Variants in ZNF681 observed in about 807,000 individuals in gnomAD.
ZNF681 encodes hypothetical protein FLJ31526.
In ZNF681, 37 loss-of-function variants were observed where a neutral mutation model predicts 56.0. The observed-to-expected ratio is 0.66, with a 90% CI of 0.51 to 0.87. The LOEUF (loss-of-function observed/expected upper bound fraction) is 0.87, where lower values mean the gene tolerates loss of function less well. Among genes scored for constraint, ZNF681 ranks in the 40% least tolerant of loss-of-function variants. The pLI is 0.00. For synonymous variants in ZNF681, 225 were observed against 248.6 expected, an observed-to-expected ratio of 0.91 and a Z score of 0.89; for missense variants, 741 against 744.9, an observed-to-expected ratio of 0.99 and a Z score of 0.06.
chr19:23,747,499 G>A (rs1194678546), intron 3 of ZNF681, among the ~76,000 whole-genome samples: 1 of 151,818 alleles, frequency 6.6e-6, no homozygotes, highest in Non-Finnish European at 1.5e-5. Context: ...AATTAGCCGG[G>A]CGTGGTGGCG....
In ZNF681 at chr19:23,742,225, C is replaced by T. The variant is rs1450131664; in HGVS notation, c.*1387G>A. ...AAGTACAATTGGCCAGGCATGGTGA[C>T]TCGCGCCTGTAATCCCAGCACTTTG... On this transcript the variant is annotated 3_prime_UTR_variant, in exon 4 of 4. Transcript: ENST00000402377. 1 of 152,094 alleles carries T rather than the reference C, an allele frequency of 6.6e-6. No homozygotes were observed. The highest frequency in any genetic ancestry group is 1.5e-5 in the Non-Finnish European group (1 of 68,018). The allele number at this position is 152,094 out of a possible 1,614,324, so 9.4% of individuals were successfully genotyped here. A position where few individuals can be genotyped will look rare whatever the true frequency, so the allele number is the denominator to read the frequency against.
chr19:23,743,862 T>C lies in ZNF681; in HGVS notation c.1688A>G (p.Gln563Arg). 1.9e-6 allele frequency: 3 copies of C among 1,612,842 alleles called. No individual in the cohort carries two copies. The highest frequency in any genetic ancestry group is 2.5e-6 in the Non-Finnish European group (3 of 1,179,672). The part of the protein sequence containing the change: ...KVIHTGEKPY[Q>R]CEECGKAFNQ... ...AAAGGCTTTACCACATTCTTCACAT[T>C]GGTAGGGTTTCTCTCCAGTATGAAT... is the stretch of plus-strand genomic sequence containing the variant. Residue 563 changes from glutamine to arginine, a missense_variant, in exon 4 of 4, where the codon CAA becomes CGA. Coordinates refer to ENST00000402377, the MANE Select transcript of ZNF681 (RefSeq NM_138286.3).
rs1469107850 is a variant in ZNF681, at chr19:23,740,284, T to C, written c.*3328A>G. The stretch of plus-strand genomic sequence containing the variant: ...CTACAATATACCATGTGAAATGACA[T>C]GGTGTGAAGAGAACAGTGAGAAAAC... On this transcript the variant is annotated 3_prime_UTR_variant, in exon 4 of 4. Coordinates refer to ENST00000402377, the MANE Select transcript of ZNF681 (RefSeq NM_138286.3). The C allele has an allele frequency of 2.0e-5, 3 of 152,104 alleles. No homozygotes were observed. The highest frequency in any genetic ancestry group is 4.8e-5 in the African/African-American group (2 of 41,438). The allele number at this position is 152,104 out of a possible 1,614,324, so 9.4% of individuals were successfully genotyped here.
intron 3 of ZNF681, among the ~76,000 whole-genome samples, chr19:23,751,559 T>C (rs1969032228): frequency 6.6e-6 from 1 of 152,144 alleles, no homozygotes; most frequent in Non-Finnish European, 1.5e-5. Context: ...GGCAAGTATT[T>C]TGAATAACTG....
intron 1 of ZNF681, among the ~76,000 whole-genome samples, chr19:23,756,963 T>G (rs1599462980): frequency 1.3e-5 from 2 of 152,078 alleles, no homozygotes; most frequent in East Asian, 3.9e-4. Context: ...CTCTGTCTCG[T>G]GGGTTCACGC....
In ZNF681 at chr19:23,743,389, C is replaced by A; in HGVS notation, c.*223G>T. 1 of 363,718 alleles carries A rather than the reference C, an allele frequency of 2.7e-6. No individual in the cohort carries two copies. Among genetic ancestry groups the A allele is most frequent in the Non-Finnish European group, 4.9e-6 (1 of 206,136 alleles). The allele number at this position is 363,718 out of a possible 1,614,324, so 22.5% of individuals were successfully genotyped here. A position where few individuals can be genotyped will look rare whatever the true frequency, so the allele number is the denominator to read the frequency against. ...ATAATGCTTTTATTAAGTATGAAATCTCTGATGTTGAGTAAGATGTGAACA... is the reference window on the plus strand; with the variant it reads ...ATAATGCTTTTATTAAGTATGAAATATCTGATGTTGAGTAAGATGTGAACA... On this transcript the variant is annotated 3_prime_UTR_variant, in exon 4 of 4. Transcript: ENST00000402377.
At chr19:23,753,488 T>C (rs1235445498) in intron 3 of ZNF681, among the ~76,000 whole-genome samples, 4 of 152,306 alleles carry the variant, frequency 2.6e-5, no homozygotes, top group African/African-American at 9.6e-5. Context: ...ATGAAAGATA[T>C]ATCAATGAGA....
rs4020523 is a variant in ZNF681 at position 23,741,535 on chromosome 19, A to ACT, written c.*2075_*2076dup. Reference sequence around the variant, plus strand: ...AGACAAACCTGGCCAACGTAGTGAAACTGTTTCTACTAAAAATACAAAAAT... The same window carrying ACT: ...AGACAAACCTGGCCAACGTAGTGAAACTCTGTTTCTACTAAAAATACAAAAAT... On this transcript the variant is annotated 3_prime_UTR_variant, in exon 4 of 4. Transcript: ENST00000402377. 148,856 of 152,122 alleles carry ACT rather than the reference A, an allele frequency of 0.98. 72,925 individuals are homozygous for ACT. Among genetic ancestry groups the ACT allele is most frequent in the Middle Eastern group, 1 (296 of 296 alleles). 9.4% of individuals were successfully genotyped at this position (152,122 alleles called of 1,614,324 possible).
Position 23,744,217 on chromosome 19 carries a change from TATGA to T in ZNF681, c.1329_1332del (p.His444LeufsTer110), listed in dbSNP as rs1568309400. On this transcript the variant is annotated frameshift_variant, in exon 4 of 4. Coordinates refer to ENST00000402377, the MANE Select transcript of ZNF681 (RefSeq NM_138286.3). LOFTEE classifies it high-confidence loss of function. ...TCACATTTGTATGGTTTCTCTTCAG[TATGA>T]ATATTCTTATGTTCAGTAAGGTTTG... The T allele has an allele frequency of 6.2e-6, 10 of 1,613,718 alleles. No homozygotes were observed. The highest frequency in any genetic ancestry group is 8.5e-6 in the Non-Finnish European group (10 of 1,179,850).
chr19:23,747,588 C>T (rs548689868), intron 3 of ZNF681, among the ~76,000 whole-genome samples: 3 of 143,494 alleles, frequency 2.1e-5, no homozygotes, highest in South Asian at 2.2e-4. Flanking sequence ...TGCACTGAGC[C>T]GAGATCGTGC....
chr19:23,755,580 C>CAT, intron 1 of ZNF681, 29 bp from the exon 2 acceptor site: 2 of 1,443,062 alleles, frequency 1.4e-6, no homozygotes, highest in South Asian at 1.4e-5. Context: ...CACACACACA[C>CAT]ACACACACAC....
intron 3 of ZNF681, among the ~76,000 whole-genome samples, chr19:23,751,203 G>A (rs946249402): frequency 2.6e-5 from 4 of 151,462 alleles, no homozygotes; most frequent in African/African-American, 9.7e-5. Context: ...TAGGCTGGGT[G>A]CGGTAGCTCA....
intron 3 of ZNF681, among the ~76,000 whole-genome samples, chr19:23,751,397 A>G (rs978860266): frequency 6.8e-6 from 1 of 146,740 alleles, no homozygotes; most frequent in African/African-American, 2.5e-5. Context: ...AATTGCTTGA[A>G]CTCTGGAGGC....
intron 3 of ZNF681, among the ~76,000 whole-genome samples, chr19:23,747,704 A>T (rs1325711313): frequency 6.6e-6 from 1 of 152,054 alleles, no homozygotes. Flanking sequence ...TTAAAATTTT[A>T]AAATTTGATT....
intron 3 of ZNF681, among the ~76,000 whole-genome samples, chr19:23,750,453 G>A (rs1969010885): frequency 6.6e-6 from 1 of 152,076 alleles, no homozygotes; most frequent in Non-Finnish European, 1.5e-5. Flanking sequence ...TTGACTTAAA[G>A]TGTACAAACA....
Position 23,743,436 on chromosome 19 carries a change from T to C in ZNF681, c.*176A>G, listed in dbSNP as rs1968894456. 2.0e-6 allele frequency: 1 copy of C among 504,368 alleles called. No individual in the cohort carries two copies. The highest frequency in any genetic ancestry group is 2.0e-5 in the African/African-American group (1 of 50,566). The allele number at this position is 504,368 out of a possible 1,614,324, so 31.2% of individuals were successfully genotyped here. On this transcript the variant is annotated 3_prime_UTR_variant, in exon 4 of 4. Coordinates refer to ENST00000402377, the MANE Select transcript of ZNF681 (RefSeq NM_138286.3). ...AACAGATATTAATGGCTTTTTCACA[T>C]TCTGTATATTTGAAATTTTTTTCTA...
rs767467982 is a variant in ZNF681, at chr19:23,744,206, T to A, written c.1344A>T (p.Lys448Asn). The change falls in exon 4 of 4, where the codon AAA becomes AAT. Residue 448 changes from lysine (K) to asparagine (N), a missense_variant. Physicochemically the swap from Lys to Asn is moderately conservative, Grantham distance 94. Coordinates refer to ENST00000402377, the MANE Select transcript of ZNF681 (RefSeq NM_138286.3). ...TEHKNIHTEEKPYKCEECGKA... is the reference protein window; with the variant it reads ...TEHKNIHTEENPYKCEECGKA... ...TCCCACATTCTTCACATTTGTATGG[T>A]TTCTCTTCAGTATGAATATTCTTAT... is the stretch of plus-strand genomic sequence containing the variant. The A allele has an allele frequency of 1.2e-6, 2 of 1,613,596 alleles. No individual in the cohort carries two copies. Among genetic ancestry groups the A allele is most frequent in the South Asian group, 2.2e-5 (2 of 91,060 alleles).
intron 3 of ZNF681, among the ~76,000 whole-genome samples, chr19:23,751,854 T>G (rs1229104599): frequency 6.6e-6 from 1 of 151,844 alleles, no homozygotes; most frequent in Non-Finnish European, 1.5e-5. Context: ...CCTGGCTAAT[T>G]TTTTTTGTAT....
intron 1 of ZNF681, among the ~76,000 whole-genome samples, 164 bp from the exon 2 acceptor site, chr19:23,755,715 A>AT (rs908251768): frequency 1.3e-4 from 19 of 151,688 alleles, no homozygotes; most frequent in Non-Finnish European, 1.8e-4. Context: ...CAATAAAATA[A>AT]TTTTTTTTTA....
Sources: allele counts gnomAD v4.1 joint callset (sites outside exome capture counted in the v4.1 genomes callset), GRCh38; gene constraint gnomAD v4.1.1; transcripts MANE v1.5; gene names NCBI Gene and HGNC (gene_info 2026-07-23, HGNC 2026-07-21).